USH2A: variants seen among roughly 807,000 people sequenced by gnomAD.
USH2A encodes the protein Usher syndrome 2A (autosomal recessive, mild).
In USH2A, 443 loss-of-function variants were observed where a neutral mutation model predicts 538.9. That is an observed-to-expected ratio of 0.82 (90% CI 0.76 to 0.89). USH2A has a LOEUF of 0.89. USH2A is among the 40% of genes least tolerant of loss of function. USH2A has a pLI of 0.00. For synonymous variants in USH2A, 2,413 were observed against 2,273.5 expected (o/e 1.06, Z -1.75); for missense variants, 6,633 against 6,324.8 (o/e 1.05, Z -1.65).
intron 20 of USH2A, 66 bp from the exon 21 acceptor site, chr1:216,175,548 C>CAT: frequency 1.7e-5 from 24 of 1,401,722 alleles, no homozygotes; most frequent in Non-Finnish European, 2.4e-5. Context: ...CACATATTCA[C>CAT]ATATACGTAT....
intron 3 of USH2A, among the ~76,000 whole-genome samples, chr1:216,366,551 T>C (rs1000999910): frequency 4.6e-5 from 7 of 152,030 alleles, no homozygotes; most frequent in African/African-American, 1.7e-4. Context: ...TAAAATCATG[T>C]GTACTATTGC....
At chr1:216,093,500 A>T (rs995021181) in intron 22 of USH2A, among the ~76,000 whole-genome samples, 3 of 152,154 alleles carry the variant, frequency 2.0e-5, no homozygotes, top group African/African-American at 7.2e-5. Context: ...GATCACCGTA[A>T]AGGATATGAA....
chr1:216,017,703 G>A (rs1668750474), intron 32 of USH2A, among the ~76,000 whole-genome samples: 9 of 152,174 alleles, frequency 5.9e-5, no homozygotes, highest in Admixed American at 5.9e-4. Context: ...TGAAGATTAA[G>A]ATGCTGTTAA....
intron 4 of USH2A, among the ~76,000 whole-genome samples, chr1:216,331,265 C>A (rs190702695): frequency 1.3e-5 from 2 of 152,152 alleles, no homozygotes; most frequent in South Asian, 2.1e-4. Flanking sequence ...AACAGATATT[C>A]ATTGGGATAA....
At chr1:216,004,356 C>T (rs1213844760) in intron 32 of USH2A, among the ~76,000 whole-genome samples, 1 of 152,018 alleles carries the variant, frequency 6.6e-6, no homozygotes, top group African/African-American at 2.4e-5. Flanking sequence ...AGAAATCAAC[C>T]AAGGAGACAG....
At chr1:216,326,466 AC>A (rs1251041660) in intron 5 of USH2A, among the ~76,000 whole-genome samples, 4 of 152,170 alleles carry the variant, frequency 2.6e-5, no homozygotes, top group African/African-American at 9.6e-5. Flanking sequence ...TTCAACTGAT[AC>A]CAAGTTTTGA....
At chr1:216,009,226 C>T (rs1015979805) in intron 32 of USH2A, among the ~76,000 whole-genome samples, 1 of 152,102 alleles carries the variant, frequency 6.6e-6, no homozygotes, top group African/African-American at 2.4e-5. Flanking sequence ...TCTCTACTCT[C>T]TCTTTTCTCT....
intron 71 of USH2A, among the ~76,000 whole-genome samples, chr1:215,626,457 A>G (rs1466580531): frequency 6.6e-6 from 1 of 151,974 alleles, no homozygotes; most frequent in East Asian, 1.9e-4. Flanking sequence ...TTCAAACGGT[A>G]AATGGAAGAG....
chr1:215,709,379 C>A (rs1279573813), intron 61 of USH2A, among the ~76,000 whole-genome samples: 1 of 151,856 alleles, frequency 6.6e-6, no homozygotes, highest in East Asian at 1.9e-4. Context: ...TGTGTGCTCC[C>A]CAAATTATTA....
chr1:216,180,996 G>C (rs2034482356), intron 20 of USH2A, among the ~76,000 whole-genome samples: 1 of 151,988 alleles, frequency 6.6e-6, no homozygotes, highest in Non-Finnish European at 1.5e-5. Flanking sequence ...AAGAGGAAAA[G>C]TTTTCCCCCG....
chr1:216,095,123 A>G (rs905782476), intron 22 of USH2A, among the ~76,000 whole-genome samples: 2 of 152,148 alleles, frequency 1.3e-5, no homozygotes, highest in Non-Finnish European at 2.9e-5. Flanking sequence ...ATGGATTTAT[A>G]CTAAATTCCC....
At chr1:215,976,984 G>T (rs1571860945) in intron 35 of USH2A, among the ~76,000 whole-genome samples, 1 of 144,424 alleles carries the variant, frequency 6.9e-6, no homozygotes. Context: ...ACCTGGTCCA[G>T]TTTTTTTTTT....
chr1:216,025,723 A>G (rs552977008), intron 32 of USH2A, among the ~76,000 whole-genome samples: 16 of 152,188 alleles, frequency 1.1e-4, no homozygotes, highest in African/African-American at 3.8e-4. Flanking sequence ...TTATATTTTA[A>G]AAACCATGCT....
chr1:215,845,328 T>C (rs1053303538), intron 45 of USH2A, among the ~76,000 whole-genome samples: 1 of 152,070 alleles, frequency 6.6e-6, no homozygotes, highest in Non-Finnish European at 1.5e-5. Flanking sequence ...AGAAAGACCA[T>C]TCCAAACACA....
At chr1:215,789,361 G>A (rs1428786214) in intron 51 of USH2A, among the ~76,000 whole-genome samples, 2 of 152,146 alleles carry the variant, frequency 1.3e-5, no homozygotes, top group Non-Finnish European at 1.5e-5. Flanking sequence ...CTGTGACCAA[G>A]ACACCCATTT....
rs1170417645 is a variant in USH2A at position 215,664,910 on chromosome 1, A to T, written c.14133+6062T>A. 3.9e-5 allele frequency among the ~76,000 whole-genome samples: 6 copies of T among 152,356 alleles called. No homozygotes were observed. In the East Asian group the frequency reaches 1.2e-3, roughly 29 times the overall value. On this transcript the variant is annotated intron_variant, in intron 64 of 71. Coordinates refer to ENST00000307340, the MANE Select transcript of USH2A (RefSeq NM_206933.4). ...TGTGGGAAATAAATATTTGTTATTT[A>T]AAGCCACCCAGTCTATGATATTCCA...
chr1:216,105,081 A>G (rs2032698294), intron 21 of USH2A, among the ~76,000 whole-genome samples: 1 of 152,194 alleles, frequency 6.6e-6, no homozygotes, highest in Non-Finnish European at 1.5e-5. Flanking sequence ...ACTGGCCATC[A>G]GAGAAATGCA....
At chr1:215,749,695 G>A (rs1439102758) in intron 58 of USH2A, among the ~76,000 whole-genome samples, 1 of 152,200 alleles carries the variant, frequency 6.6e-6, no homozygotes, top group African/African-American at 2.4e-5. Context: ...ATAAATTTAT[G>A]TCAGAGCAAG....
chr1:215,812,109 C>T (rs949265720), intron 49 of USH2A, among the ~76,000 whole-genome samples: 34 of 150,036 alleles, frequency 2.3e-4, no homozygotes, highest in African/African-American at 5.6e-4. Flanking sequence ...TTCAGCCTCC[C>T]GAGAAGCTGG....
Sources: gnomAD v4.1 joint callset for allele counts (sites outside exome capture counted in the v4.1 genomes callset) on GRCh38, gnomAD v4.1.1 for gene constraint, MANE v1.5 for transcripts, NCBI Gene and HGNC (gene_info 2026-07-23, HGNC 2026-07-21) for gene names.